Variants in PRKG1 observed in about 807,000 individuals in gnomAD.
PRKG1 encodes the protein cGMP-dependent protein kinase 1.
PRKG1 carries 35 observed loss-of-function variants against 88.1 expected under a neutral mutation model. The ratio of observed to expected loss-of-function variants is 0.40; its 90% CI spans 0.30 to 0.53. The LOEUF is 0.53. Among genes scored for constraint, PRKG1 ranks in the 20% least tolerant of loss-of-function variants. The pLI, the probability that PRKG1 is intolerant of heterozygous loss-of-function variation, is 0.59. For missense variants in PRKG1, 540 were observed against 839.8 expected (o/e 0.64, Z 4.41); for synonymous variants, 303 against 292.5 (o/e 1.04, Z -0.37).
chr10:51,510,532 T>G (rs920192034), intron 3 of PRKG1, among the ~76,000 whole-genome samples: 4 of 152,172 alleles, frequency 2.6e-5, no homozygotes, highest in Admixed American at 2.6e-4. Context: ...TTTCTTGACT[T>G]TCTAAACAGG....
intron 1 of PRKG1, among the ~76,000 whole-genome samples, chr10:51,144,914 A>T (rs542723137): frequency 3.3e-5 from 5 of 152,174 alleles, no homozygotes; most frequent in Non-Finnish European, 7.4e-5. Context: ...GGTGATAGAG[A>T]ATCATGCTGT....
rs148745689 is a variant in PRKG1, at chr10:51,112,060, G to A, written c.311+37159G>A. On this transcript the variant is annotated intron_variant, in intron 1 of 17. Transcript: ENST00000373980. ...GCGTGTAAGGTAGGAAATAGGTTAA[G>A]TACAGTAGTATGTGTGTTTTATGTT... Among the ~76,000 whole-genome samples, 517 of 152,222 alleles carry A rather than the reference G, an allele frequency of 3.4e-3. 2 individuals carry two copies. Among genetic ancestry groups the A allele is most frequent in the African/African-American group, 0.011 (458 of 41,536 alleles).
chr10:51,073,830 C>T (rs901335027), upstream of PRKG1, among the ~76,000 whole-genome samples: 2 of 152,126 alleles, frequency 1.3e-5, no homozygotes, highest in African/African-American at 4.8e-5. Flanking sequence ...TCTTCGCAAG[C>T]GTTAGCCACC....
At chr10:51,646,888 T>G (rs922029684) in intron 3 of PRKG1, among the ~76,000 whole-genome samples, 3 of 152,106 alleles carry the variant, frequency 2.0e-5, no homozygotes, top group African/African-American at 7.2e-5. Context: ...TAAATTATCT[T>G]GTCTACTTGC....
At chr10:52,098,878 G>A (rs1044654655) in intron 7 of PRKG1, among the ~76,000 whole-genome samples, 1 of 152,154 alleles carries the variant, frequency 6.6e-6, no homozygotes, top group African/African-American at 2.4e-5. Context: ...ACAAACCTAT[G>A]AGGGACTATA....
intron 9 of PRKG1, among the ~76,000 whole-genome samples, chr10:52,208,817 A>G (rs1243279665): frequency 6.6e-6 from 1 of 152,146 alleles, no homozygotes; most frequent in Non-Finnish European, 1.5e-5. Context: ...TATAATTTAT[A>G]TATTCTACAT....
intron 3 of PRKG1, among the ~76,000 whole-genome samples, chr10:51,473,996 T>A (rs967150044): frequency 6.6e-6 from 1 of 152,012 alleles, no homozygotes; most frequent in Non-Finnish European, 1.5e-5. Flanking sequence ...GTAATCATTT[T>A]TCTTAAAGGA....
rs116383492 is a variant in PRKG1, at chr10:51,531,025, G to T, written c.592+63189G>T. Among the ~76,000 whole-genome samples, 394 of 151,984 alleles carry T rather than the reference G, an allele frequency of 2.6e-3. 1 individual carries two copies. The highest frequency in any genetic ancestry group is 8.5e-3 in the African/African-American group (354 of 41,430). On this transcript the variant is annotated intron_variant, in intron 3 of 17. Coordinates refer to ENST00000373980, the MANE Select transcript of PRKG1 (RefSeq NM_006258.4). The stretch of plus-strand genomic sequence containing the variant: ...AGGGCCAATTTTCTGATGGAATGGG[G>T]GTAAGAAGAAATCATAAATACAAAG...
chr10:51,429,271 A>G (rs1307936521), intron 2 of PRKG1, among the ~76,000 whole-genome samples: 1 of 152,220 alleles, frequency 6.6e-6, no homozygotes, highest in Non-Finnish European at 1.5e-5. Context: ...AACTGAGCAG[A>G]GACATAAACA....
chr10:51,114,721 G>A (rs1845067578), intron 1 of PRKG1, among the ~76,000 whole-genome samples: 1 of 151,986 alleles, frequency 6.6e-6, no homozygotes, highest in Admixed American at 6.6e-5. Context: ...ATTTTTTTCT[G>A]ACTGGTGTAC....
chr10:51,114,208 A>C lies in PRKG1; in HGVS notation c.312-38956A>C, dbSNP rs146392272. On this transcript the variant is annotated intron_variant, in intron 1 of 17. Coordinates refer to ENST00000373980, the MANE Select transcript of PRKG1 (RefSeq NM_006258.4). ...TCCTATACGACATGATTTAGGTTAA[A>C]TATGCAAAAGAACATACTGATATGA... 2.3e-3 allele frequency among the ~76,000 whole-genome samples: 344 copies of C among 152,282 alleles called. 1 individual carries two copies. Among genetic ancestry groups the C allele is most frequent in the Middle Eastern group, 0.014 (4 of 294 alleles).
chr10:51,402,412 G>T (rs1837775297), intron 2 of PRKG1, among the ~76,000 whole-genome samples: 1 of 152,276 alleles, frequency 6.6e-6, no homozygotes, highest in East Asian at 1.9e-4. Context: ...ATGAAAAAGG[G>T]TCATTGCATT....
intron 4 of PRKG1, among the ~76,000 whole-genome samples, chr10:51,863,092 T>C (rs1840927521): frequency 6.6e-6 from 1 of 152,084 alleles, no homozygotes; most frequent in Admixed American, 6.6e-5. Flanking sequence ...TCCCATATTT[T>C]TCATCATTCC....
chr10:52,112,857 G>A (rs768371055), intron 7 of PRKG1, among the ~76,000 whole-genome samples: 2 of 152,164 alleles, frequency 1.3e-5, no homozygotes, highest in East Asian at 1.9e-4. Flanking sequence ...TTATGACTAC[G>A]GTCGTCCAAG....
intron 3 of PRKG1, among the ~76,000 whole-genome samples, chr10:51,468,446 G>A (rs548862639): frequency 6.6e-6 from 1 of 151,924 alleles, no homozygotes; most frequent in African/African-American, 2.4e-5. Flanking sequence ...TTACATGTAT[G>A]TGTATATATG....
chr10:51,373,239 A>T (rs186548827), intron 2 of PRKG1, among the ~76,000 whole-genome samples: 22 of 152,330 alleles, frequency 1.4e-4, no homozygotes, highest in Admixed American at 1.4e-3. Flanking sequence ...AAACTTAGCA[A>T]CATGAAGCAA....
At chr10:52,249,402 A>T (rs1297615753) in intron 9 of PRKG1, among the ~76,000 whole-genome samples, 2 of 151,924 alleles carry the variant, frequency 1.3e-5, no homozygotes, top group African/African-American at 4.8e-5. Context: ...GCTTTTTAAA[A>T]GTAGGGATGT....
In PRKG1 at chr10:51,397,204, C is replaced by T. The variant is rs372743075; in HGVS notation, c.479-70519C>T. Among the ~76,000 whole-genome samples the T allele has an allele frequency of 6.8e-5, 10 of 147,262 alleles. No individual in the cohort carries two copies. In the East Asian group the frequency reaches 1.0e-3, roughly 15 times the overall value. ...TTCACTTCCTACATTGTAGTCTGGG[C>T]TCTGATGTGTAAGTTTTTAAAAGAA... On this transcript the variant is annotated intron_variant, in intron 2 of 17. Coordinates refer to ENST00000373980, the MANE Select transcript of PRKG1 (RefSeq NM_006258.4).
intron 3 of PRKG1, among the ~76,000 whole-genome samples, chr10:51,727,115 TC>T (rs1040519734): frequency 4.7e-4 from 71 of 151,926 alleles, no homozygotes; most frequent in African/African-American, 1.6e-3. Flanking sequence ...TCAAATAAAT[TC>T]CTCTTTAAAA....
Sources: gnomAD v4.1 joint callset for allele counts (sites outside exome capture counted in the v4.1 genomes callset) on GRCh38, gnomAD v4.1.1 for gene constraint, MANE v1.5 for transcripts, NCBI Gene and HGNC (gene_info 2026-07-23, HGNC 2026-07-21) for gene names.